GSE1: variants seen among roughly 807,000 people sequenced by gnomAD.
GSE1 encodes Gse1 coiled-coil protein, also known as genetic suppressor element 1.
In GSE1, 32 loss-of-function variants were observed where a neutral mutation model predicts 112.6. The observed-to-expected ratio is 0.28, with a 90% CI of 0.21 to 0.38. The LOEUF (loss-of-function observed/expected upper bound fraction) is 0.38. Ranked by LOEUF, GSE1 falls within the 10% of genes least tolerant of loss-of-function variation. GSE1 has a pLI of 1.00. For synonymous variants in GSE1, 1,115 were observed against 735.6 expected, an observed-to-expected ratio of 1.52 and a Z score of -8.35; for missense variants, 2,348 against 1,699.2, an observed-to-expected ratio of 1.38 and a Z score of -6.71.
At chr16:85,650,003 G>A (rs1319377842) in intron 3 of GSE1, among the ~76,000 whole-genome samples, 6 of 152,188 alleles carry the variant, frequency 3.9e-5, no homozygotes, top group South Asian at 2.1e-4. Context: ...GGGGCCTGAC[G>A]TTGCCTCTGC....
At chr16:85,643,023 C>T (rs575856641) in intron 2 of GSE1, among the ~76,000 whole-genome samples, 4 of 152,152 alleles carry the variant, frequency 2.6e-5, no homozygotes, top group Admixed American at 6.5e-5. Flanking sequence ...TTTTGCCTGG[C>T]GGGGTGGGCC....
Position 85,190,526 on chromosome 16 carries a change from T to C in GSE1, c.2283+18719T>C, listed in dbSNP as rs115707098. Among the ~76,000 whole-genome samples the C allele has an allele frequency of 4.9e-3, 742 of 152,374 alleles. 2 individuals carry two copies. Among genetic ancestry groups the C allele is most frequent in the African/African-American group, 0.017 (700 of 41,590 alleles). On this transcript the variant is annotated intron_variant, in intron 1 of 2. Transcript: ENST00000637419. ...CACTTGTCTTTGTATTTTTAACAAA[T>C]ATGAGTGTCTGTTGAGAATCACAAA...
chr16:85,480,087 C>G (rs1207651038), intron 2 of GSE1, among the ~76,000 whole-genome samples: 1 of 152,190 alleles, frequency 6.6e-6, no homozygotes, highest in Non-Finnish European at 1.5e-5. Context: ...ATCACTGACT[C>G]TCACAACATC....
At chr16:85,422,448 T>C (rs113720987) in intron 2 of GSE1, among the ~76,000 whole-genome samples, 3,938 of 151,672 alleles carry the variant, frequency 0.026, 189 homozygotes, top group African/African-American at 0.091. Flanking sequence ...GGGAGAAGCC[T>C]GGGGCCCACG....
At chr16:85,473,878 C>G (rs1329747236) in intron 2 of GSE1, among the ~76,000 whole-genome samples, 1 of 151,934 alleles carries the variant, frequency 6.6e-6, no homozygotes, top group East Asian at 2.0e-4. Flanking sequence ...GTCTGTAGCA[C>G]TCTCCCAGGC....
At chr16:85,240,410 G>T (rs939140889) in intron 1 of GSE1, among the ~76,000 whole-genome samples, 3 of 152,232 alleles carry the variant, frequency 2.0e-5, no homozygotes, top group Non-Finnish European at 4.4e-5. Context: ...GGGGAGGGGG[G>T]TGGAGTGTCA....
chr16:85,331,355 G>GTATATATATA (rs1467067903), intron 1 of GSE1, among the ~76,000 whole-genome samples: 921 of 57,288 alleles, frequency 0.016, 90 homozygotes, highest in Middle Eastern at 0.028. Context: ...GTGTGTGTGT[G>GTATATATATA]TGTGTGTGTG....
chr16:85,465,929 C>T (rs1275032334), intron 2 of GSE1, among the ~76,000 whole-genome samples: 3 of 152,228 alleles, frequency 2.0e-5, no homozygotes, highest in Non-Finnish European at 4.4e-5. Context: ...GCACTTTGTT[C>T]TAATGATTAG....
At chr16:85,387,992 GTGGATGGATGGA>G (rs58416051) in intron 2 of GSE1, among the ~76,000 whole-genome samples, 141 of 103,222 alleles carry the variant, frequency 1.4e-3, no homozygotes, top group African/African-American at 5.9e-3. Flanking sequence ...GGATGGGTGG[GTGGATGGATGGA>G]TGGATGGATG....
At chr16:85,193,326 G>A (rs948700775) in intron 1 of GSE1, among the ~76,000 whole-genome samples, 2 of 152,074 alleles carry the variant, frequency 1.3e-5, no homozygotes, top group African/African-American at 2.4e-5. Context: ...TTCCTGCTAC[G>A]TTTCTAAATT....
chr16:85,343,098 C>T (rs1355606209), intron 1 of GSE1, among the ~76,000 whole-genome samples: 1 of 151,980 alleles, frequency 6.6e-6, no homozygotes, highest in Non-Finnish European at 1.5e-5. Context: ...GCTTCTTGAT[C>T]CTGTTAAACC....
intron 1 of GSE1, among the ~76,000 whole-genome samples, chr16:85,314,084 A>G (rs1035391049): frequency 5.3e-5 from 8 of 150,896 alleles, no homozygotes; most frequent in African/African-American, 9.8e-5. Flanking sequence ...AGCCATTTGT[A>G]TGTGTGTGTG....
chr16:85,200,749 A>T (rs1292890029), intron 1 of GSE1, among the ~76,000 whole-genome samples: 3 of 152,194 alleles, frequency 2.0e-5, no homozygotes. Context: ...AGATGACGGG[A>T]AATGGACTAT....
intron 2 of GSE1, among the ~76,000 whole-genome samples, chr16:85,377,246 G>A (rs1009824321): frequency 7.9e-5 from 12 of 152,126 alleles, no homozygotes; most frequent in African/African-American, 2.4e-4. Flanking sequence ...GGTGTGTCAC[G>A]CATCCCACTC....
At chr16:85,255,283 A>G (rs1222127512) in intron 1 of GSE1, among the ~76,000 whole-genome samples, 1 of 151,998 alleles carries the variant, frequency 6.6e-6, no homozygotes, top group Admixed American at 6.5e-5. Context: ...TGGGCTTGGG[A>G]GGCCTGAAAG....
chr16:85,378,625 A>G (rs966257468), intron 2 of GSE1, among the ~76,000 whole-genome samples: 1 of 152,152 alleles, frequency 6.6e-6, no homozygotes. Flanking sequence ...GAATCCTCCC[A>G]TGGCTCTCAT....
upstream of GSE1, among the ~76,000 whole-genome samples, chr16:85,611,069 G>A (rs972544344): frequency 6.6e-6 from 1 of 152,250 alleles, no homozygotes; most frequent in East Asian, 1.9e-4. Flanking sequence ...TGGTGGCACC[G>A]TGTCCGGGTG....
intron 1 of GSE1, among the ~76,000 whole-genome samples, chr16:85,208,331 C>T (rs1054577184): frequency 3.3e-5 from 5 of 152,300 alleles, no homozygotes; most frequent in African/African-American, 9.6e-5. Context: ...GAACGGTCTG[C>T]GGAGTTCTCA....
At chr16:85,502,549 G>A (rs1483256351) in intron 2 of GSE1, among the ~76,000 whole-genome samples, 1 of 152,238 alleles carries the variant, frequency 6.6e-6, no homozygotes, top group East Asian at 1.9e-4. Flanking sequence ...CGCTGGGCCA[G>A]GCCTGAGCCA....
Sources: gnomAD v4.1 joint callset for allele counts (sites outside exome capture counted in the v4.1 genomes callset) on GRCh38, gnomAD v4.1.1 for gene constraint, MANE v1.5 for transcripts, NCBI Gene and HGNC (gene_info 2026-07-23, HGNC 2026-07-21) for gene names.